Variants in NEK6 observed in about 807,000 individuals in gnomAD.
NEK6 encodes the protein serine/threonine-protein kinase Nek6.
A neutral mutation model predicts 43.5 loss-of-function variants in NEK6; 27 were observed. The observed-to-expected ratio is 0.62, with a 90% CI of 0.46 to 0.86. NEK6 has a LOEUF of 0.86. NEK6 is among the 40% of genes least tolerant of loss of function. The probability of loss-of-function intolerance (pLI) is 0.00; values close to 1 mark genes in which losing one functional copy is unlikely to be tolerated. For missense variants in NEK6, 318 were observed against 414.4 expected, an observed-to-expected ratio of 0.77 and a Z score of 2.02; for synonymous variants, 167 against 164.1, an observed-to-expected ratio of 1.02 and a Z score of -0.14.
At chr9:124,298,946 T>C (rs553663272) in intron 1 of NEK6, among the ~76,000 whole-genome samples, 22 of 152,330 alleles carry the variant, frequency 1.4e-4, no homozygotes, top group Admixed American at 7.8e-4. Context: ...GCCCTGCCCA[T>C]GTGAGGCCAC....
chr9:124,301,969 C>T lies in NEK6; in HGVS notation c.5C>T (p.Ala2Val), dbSNP rs1247048658. ...CTCGTGAGGCTGGCATGCAGGATGGCAGGACAGCCCGGCCACATGCCCCAT... is the reference window on the plus strand; with the variant it reads ...CTCGTGAGGCTGGCATGCAGGATGGTAGGACAGCCCGGCCACATGCCCCAT... MAGQPGHMPHGG... is the reference protein window; with the variant it reads MVGQPGHMPHGG... Residue 2 changes from alanine to valine, a missense_variant, in exon 2 of 10, where the codon GCA becomes GTA. Ala to Val is a moderately conservative substitution (Grantham distance 64). Coordinates refer to ENST00000320246, the MANE Select transcript of NEK6 (RefSeq NM_014397.6). 6.3e-7 allele frequency: 1 copy of T among 1,597,954 alleles called. No homozygotes were observed.
chr9:124,301,829 G>C, intron 1 of NEK6, 107 bp from the exon 2 acceptor site: 1 of 890,940 alleles, frequency 1.1e-6, no homozygotes, highest in Non-Finnish European at 1.8e-6. Flanking sequence ...ATTACTGAAC[G>C]GCTTTGCACC....
chr9:124,272,600 A>C (rs892322655), intron 1 of NEK6, among the ~76,000 whole-genome samples: 1 of 152,188 alleles, frequency 6.6e-6, no homozygotes, highest in African/African-American at 2.4e-5. Flanking sequence ...GCTTTGCTTC[A>C]AGGTGTCTTT....
intron 1 of NEK6, among the ~76,000 whole-genome samples, chr9:124,297,307 CAG>C (rs1832740712): frequency 6.6e-6 from 1 of 152,222 alleles, no homozygotes; most frequent in Non-Finnish European, 1.5e-5. Flanking sequence ...GCTAAAGCCT[CAG>C]AGGTCCCTTC....
chr9:124,326,829 A>C lies in NEK6; in HGVS notation c.514+391A>C, dbSNP rs1834365000. Among the ~76,000 whole-genome samples, 1 of 152,140 alleles carries C rather than the reference A, an allele frequency of 6.6e-6. No homozygotes were observed. The highest frequency in any genetic ancestry group is 1.5e-5 in the Non-Finnish European group (1 of 68,014). On this transcript the variant is annotated intron_variant, in intron 6 of 9. Transcript: ENST00000320246. This position sits in a 1 kb window ranked among gnomAD's most constrained non-coding sequence, Gnocchi z 4.5. The stretch of plus-strand genomic sequence containing the variant: ...TTGACATGATTCCGAGTTGTGAGAA[A>C]GGAGCCTGCTGGGTGCCCGGCAGGG...
chr9:124,340,492 C>G (rs1829543433), intron 8 of NEK6, among the ~76,000 whole-genome samples: 2 of 152,212 alleles, frequency 1.3e-5, no homozygotes, highest in South Asian at 4.1e-4. Context: ...CTGAGCCCCT[C>G]CGCATCTATA....
Position 124,326,209 on chromosome 9 carries a change from C to CCCCCCCCCCCCCCCCCCCCCCCCT in NEK6, c.406-117_406-116insCCCCCCCCCCCCCCCCCCCTCCCC. ...GTTTGCTCAGTGGCTCAATCCCCCCCCCCCGCCCCTGCCAGGCACCAGTTA... is the reference window on the plus strand; with the variant it reads ...GTTTGCTCAGTGGCTCAATCCCCCCCCCCCCCCCCCCCCCCCCCCCCCCTCCCCGCCCCTGCCAGGCACCAGTTA... On this transcript the variant is annotated intron_variant, in intron 5 of 9. Coordinates refer to ENST00000320246, the MANE Select transcript of NEK6 (RefSeq NM_014397.6). This position sits in a 1 kb window ranked among gnomAD's most constrained non-coding sequence, Gnocchi z 4.5. 1 of 194,098 alleles carries CCCCCCCCCCCCCCCCCCCCCCCCT rather than the reference C, an allele frequency of 5.2e-6. No homozygotes were observed. The highest frequency in any genetic ancestry group is 4.5e-5 in the South Asian group (1 of 22,218). 12.0% of individuals were successfully genotyped at this position (194,098 alleles called of 1,614,324 possible).
At chr9:124,266,211 A>G (rs1159253169) in intron 1 of NEK6, among the ~76,000 whole-genome samples, 1 of 152,154 alleles carries the variant, frequency 6.6e-6, no homozygotes, top group East Asian at 1.9e-4. Flanking sequence ...TCCTGTCGGT[A>G]GATGGCCTTA....
At chr9:124,281,036 C>T (rs2118984012) in intron 1 of NEK6, among the ~76,000 whole-genome samples, 1 of 152,250 alleles carries the variant, frequency 6.6e-6, no homozygotes, top group East Asian at 1.9e-4. Flanking sequence ...GGTGATCCAC[C>T]CACCTCAGCC....
rs981892907 is a variant in NEK6, at chr9:124,326,546, C to T, written c.514+108C>T. 7 of 782,514 alleles carry T rather than the reference C, an allele frequency of 8.9e-6. No individual in the cohort carries two copies. The highest frequency in any genetic ancestry group is 6.2e-5 in the Admixed American group (3 of 48,462). The allele number at this position is 782,514 out of a possible 1,614,324, so 48.5% of individuals were successfully genotyped here. A position where few individuals can be genotyped will look rare whatever the true frequency, so the allele number is the denominator to read the frequency against. On this transcript the variant is annotated intron_variant, in intron 6 of 9. Transcript: ENST00000320246. The surrounding 1 kb of genome is among the most constrained non-coding windows in gnomAD (Gnocchi z 4.5). ...GGGCAGCCCCTTGAGGAAGTTGGAC[C>T]GCTCTGTATTCCCCAGGCAAGGGGG...
At chr9:124,344,721 G>A (rs1298569433) in intron 8 of NEK6, among the ~76,000 whole-genome samples, 1 of 152,234 alleles carries the variant, frequency 6.6e-6, no homozygotes, top group African/African-American at 2.4e-5. Flanking sequence ...AGAGGAATTG[G>A]CTCATTCAGT....
chr9:124,319,698 T>G (rs746505771), intron 4 of NEK6, among the ~76,000 whole-genome samples: 2 of 152,136 alleles, frequency 1.3e-5, no homozygotes, highest in Non-Finnish European at 2.9e-5. Context: ...GAGTAGGGAG[T>G]CCTTTCCCCA....
rs138847171 is a variant in NEK6, at chr9:124,321,461, A to G, written c.297A>G (p.Gln99=). Residue 99 remains glutamine (Q), a splice_region_variant and synonymous_variant, in exon 5 of 10, where the codon CAA becomes CAG. Coordinates refer to ENST00000320246, the MANE Select transcript of NEK6 (RefSeq NM_014397.6). ...DCVKEIGLLK[Q]LNHPNIIKYL... ...TCCCTCTTTCCCTCCTCATGCAGCA[A>G]CTGAACCACCCAAATATCATCAAGT... 6.4e-5 allele frequency: 103 copies of G among 1,609,596 alleles called. No individual in the cohort carries two copies. Among genetic ancestry groups the G allele is most frequent in the Non-Finnish European group, 8.5e-5 (100 of 1,176,264 alleles).
chr9:124,294,002 T>C (rs984780588), intron 1 of NEK6, among the ~76,000 whole-genome samples: 1 of 152,206 alleles, frequency 6.6e-6, no homozygotes, highest in Non-Finnish European at 1.5e-5. Context: ...GCTTGGGCTG[T>C]TCCTTTTTGT....
rs185823965 is a variant in NEK6, at chr9:124,332,179, G to A, written c.622+4734G>A. 1.1e-3 allele frequency among the ~76,000 whole-genome samples: 167 copies of A among 152,376 alleles called. 1 individual carries two copies. The highest frequency in any genetic ancestry group is 2.0e-3 in the Non-Finnish European group (134 of 68,036). ...CTCCAGCTCTTTGGTTCATTCATTC[G>A]TTCATCCATTCGACAAGGATCTGTG... On this transcript the variant is annotated intron_variant, in intron 7 of 9. Transcript: ENST00000320246.
At chr9:124,335,181 G>A (rs1196546608) in intron 7 of NEK6, among the ~76,000 whole-genome samples, 1 of 152,142 alleles carries the variant, frequency 6.6e-6, no homozygotes, top group Non-Finnish European at 1.5e-5. Context: ...GGTTCCCACT[G>A]TTCACCGAGA....
At chr9:124,340,331 G>T (rs1481036362) in intron 8 of NEK6, among the ~76,000 whole-genome samples, 1 of 152,176 alleles carries the variant, frequency 6.6e-6, no homozygotes, top group African/African-American at 2.4e-5. Flanking sequence ...AGAGGTGTGG[G>T]GAGCATGAGC....
At chr9:124,304,097 A>G (rs569624997) in intron 2 of NEK6, among the ~76,000 whole-genome samples, 3 of 152,356 alleles carry the variant, frequency 2.0e-5, no homozygotes, top group Admixed American at 6.5e-5. Context: ...CGATGCCCCC[A>G]GTCCCACCAG....
chr9:124,344,046 A>G lies in NEK6; in HGVS notation c.718-3663A>G, dbSNP rs115420762. 2.1e-3 allele frequency among the ~76,000 whole-genome samples: 318 copies of G among 152,076 alleles called. 6 individuals are homozygous for G. Among genetic ancestry groups the G allele is most frequent in the African/African-American group, 6.5e-3 (270 of 41,486 alleles). On this transcript the variant is annotated intron_variant, in intron 8 of 9. Coordinates refer to ENST00000320246, the MANE Select transcript of NEK6 (RefSeq NM_014397.6). ...GTTCTGGGGGCGAATCTGTTTCCTTATGTTTTCCATGGAAAATGGAGAGGC... is the reference window on the plus strand; with the variant it reads ...GTTCTGGGGGCGAATCTGTTTCCTTGTGTTTTCCATGGAAAATGGAGAGGC...
Sources: gnomAD v4.1 joint callset for allele counts (sites outside exome capture counted in the v4.1 genomes callset) on GRCh38, gnomAD v4.1.1 for gene constraint, Gnocchi (gnomAD v3.1) non-coding constraint, MANE v1.5 for transcripts, NCBI Gene and HGNC (gene_info 2026-07-23, HGNC 2026-07-21) for gene names.